BIRC6: variants seen among roughly 807,000 people sequenced by gnomAD.
BIRC6 encodes the protein dual E2 ubiquitin-conjugating enzyme/E3 ubiquitin-protein ligase BIRC6.
A neutral mutation model predicts 503.3 loss-of-function variants in BIRC6; 98 were observed. The ratio of observed to expected loss-of-function variants is 0.19; its 90% CI spans 0.17 to 0.23. The LOEUF (loss-of-function observed/expected upper bound fraction) is 0.23. Ranked by LOEUF, BIRC6 falls within the 10% of genes least tolerant of loss-of-function variation. The probability of loss-of-function intolerance (pLI) is 1.00; values close to 1 mark genes in which losing one functional copy is unlikely to be tolerated. For synonymous variants in BIRC6, 2,240 were observed against 2,078.7 expected (o/e 1.08, Z -2.11); for missense variants, 5,360 against 5,806.0 (o/e 0.92, Z 2.50).
In BIRC6 at chr2:32,516,915, G is replaced by C. The variant is rs1240976910; in HGVS notation, c.11349+1145G>C. On this transcript the variant is annotated intron_variant, in intron 55 of 73. Transcript: ENST00000421745. ...CATAGAGCCTATATGAGATATGGTAGACACTAGTAAATAACTTTTCTCCTT... is the reference window on the plus strand; with the variant it reads ...CATAGAGCCTATATGAGATATGGTACACACTAGTAAATAACTTTTCTCCTT... 5.3e-5 allele frequency among the ~76,000 whole-genome samples: 8 copies of C among 152,228 alleles called. No homozygotes were observed. In the East Asian group the frequency reaches 1.5e-3, roughly 29 times the overall value.
chr2:32,488,051 G>C (rs1158907933), intron 41 of BIRC6, among the ~76,000 whole-genome samples: 2 of 474 alleles, frequency 4.2e-3, no homozygotes, highest in Non-Finnish European at 9.0e-3. Context: ...TGTGATTAGA[G>C]ATTGAATCAC....
rs1212957802 is a variant in BIRC6, at chr2:32,499,849, A to T, written c.8771A>T (p.Lys2924Ile). The change falls in exon 46 of 74, where the codon AAA becomes ATA. Residue 2924 changes from lysine to isoleucine, a missense_variant. Around this residue, in one of 16 missense-constraint regions of BIRC6, gnomAD observed 2,299 missense variants for 2,267.2 expected, o/e 1.01. Coordinates refer to ENST00000421745, the MANE Select transcript of BIRC6 (RefSeq NM_016252.4). ...GATCAACTCATGTTTGATTTGTTAA[A>T]ACTTGTTAACATTTTAGTGCAGCTG... Reference protein sequence around the residue: ...TRDQLMFDLLKLVNILVQLPL... With the variant: ...TRDQLMFDLLILVNILVQLPL... 1.2e-6 allele frequency: 2 copies of T among 1,614,030 alleles called. No homozygotes were observed. The highest frequency in any genetic ancestry group is 1.7e-6 in the Non-Finnish European group (2 of 1,179,892).
chr2:32,461,078 C>CTCTTCTGT (rs1558790156), intron 23 of BIRC6, among the ~76,000 whole-genome samples: 1 of 4,162 alleles, frequency 2.4e-4, no homozygotes, highest in Non-Finnish European at 5.3e-4. Flanking sequence ...TTCTCCTCTC[C>CTCTTCTGT]TCTCCTCTCC....
At chr2:32,529,335 C>T (rs1031726486) in intron 59 of BIRC6, 3 of 220,162 alleles carry the variant, frequency 1.4e-5, no homozygotes, top group Non-Finnish European at 1.8e-5. Flanking sequence ...ATATGGCCCC[C>T]CCAGGTTAAA....
At chr2:32,500,375 A>G (rs539450377) in intron 46 of BIRC6, among the ~76,000 whole-genome samples, 1 of 148,198 alleles carries the variant, frequency 6.7e-6, no homozygotes, top group Non-Finnish European at 1.5e-5. Flanking sequence ...TGCCTCAGCC[A>G]CCCAAGTAGC....
chr2:32,490,881 AT>A (rs2051621942), intron 43 of BIRC6, among the ~76,000 whole-genome samples: 1 of 152,066 alleles, frequency 6.6e-6, no homozygotes, highest in African/African-American at 2.4e-5. Context: ...ATCTTTTTTC[AT>A]TTGGAATGTA....
chr2:32,391,884 C>A (rs570843898), intron 4 of BIRC6, among the ~76,000 whole-genome samples, 155 bp from the exon 5 acceptor site: 21 of 152,312 alleles, frequency 1.4e-4, no homozygotes, highest in African/African-American at 5.1e-4. Flanking sequence ...CCAAAAATTA[C>A]CGTTTTTAGT....
chr2:32,441,131 CTG>C (rs749573441), intron 16 of BIRC6, among the ~76,000 whole-genome samples, 196 bp from the exon 17 acceptor site: 3 of 152,182 alleles, frequency 2.0e-5, no homozygotes, highest in South Asian at 2.1e-4. Flanking sequence ...GTGGCTGTGT[CTG>C]TCTTTTTTTC....
At chr2:32,492,038 TTTC>T (rs2051792385) in intron 44 of BIRC6, among the ~76,000 whole-genome samples, 1 of 152,182 alleles carries the variant, frequency 6.6e-6, no homozygotes, top group Non-Finnish European at 1.5e-5. Context: ...ATCAATTTAA[TTTC>T]TTGTTATGTT....
intron 55 of BIRC6, among the ~76,000 whole-genome samples, chr2:32,517,603 C>A (rs1011057499): frequency 6.6e-6 from 1 of 152,076 alleles, no homozygotes; most frequent in East Asian, 1.9e-4. Flanking sequence ...GGGGCAGGAT[C>A]TCTCTCTGTT....
At chr2:32,595,285 A>G (rs914072911) in intron 68 of BIRC6, 141 bp downstream of exon 68, 2 of 560,424 alleles carry the variant, frequency 3.6e-6, no homozygotes, top group African/African-American at 2.0e-5. Context: ...AACATTTTTT[A>G]TCATCTTTGC....
intron 1 of BIRC6, among the ~76,000 whole-genome samples, chr2:32,365,043 C>T (rs1404296162): frequency 6.6e-6 from 1 of 152,128 alleles, no homozygotes; most frequent in African/African-American, 2.4e-5. Context: ...CTTATGAATG[C>T]ATTTGAGTTT....
At chr2:32,428,209 C>T (rs928301876) in intron 10 of BIRC6, among the ~76,000 whole-genome samples, 8 of 152,256 alleles carry the variant, frequency 5.3e-5, no homozygotes, top group Non-Finnish European at 7.4e-5. Flanking sequence ...ATAATGGCTT[C>T]GGCTCCCTCT....
chr2:32,368,873 A>T (rs975744933), intron 1 of BIRC6, among the ~76,000 whole-genome samples: 2 of 152,140 alleles, frequency 1.3e-5, no homozygotes, highest in African/African-American at 4.8e-5. Context: ...GCTGGTCTGG[A>T]ACACCTGACC....
chr2:32,604,870 T>G (rs1258671405), intron 71 of BIRC6, among the ~76,000 whole-genome samples: 1 of 150,738 alleles, frequency 6.6e-6, no homozygotes, highest in Non-Finnish European at 1.5e-5. Flanking sequence ...TTTTTCTTTT[T>G]TCTTTTTTCT....
chr2:32,568,187 C>CT (rs752609126), intron 65 of BIRC6, among the ~76,000 whole-genome samples: 1,903 of 139,110 alleles, frequency 0.014, 19 homozygotes, highest in Middle Eastern at 0.025. Context: ...TAAGTTTTAT[C>CT]TTTTTTTTTT....
chr2:32,573,661 A>C (rs2151003591), intron 65 of BIRC6, among the ~76,000 whole-genome samples: 1 of 152,346 alleles, frequency 6.6e-6, no homozygotes, highest in South Asian at 2.1e-4. Flanking sequence ...TCGAGTAAGG[A>C]ATTCACTCTT....
At chr2:32,485,367 A>T (rs1390103348) in intron 39 of BIRC6, among the ~76,000 whole-genome samples, 1 of 152,154 alleles carries the variant, frequency 6.6e-6, no homozygotes, top group Non-Finnish European at 1.5e-5. Flanking sequence ...GACAGTGAGA[A>T]ACCTGGTTCT....
At chr2:32,431,342 C>T (rs187909175) in intron 12 of BIRC6, among the ~76,000 whole-genome samples, 14 of 151,460 alleles carry the variant, frequency 9.2e-5, no homozygotes, top group East Asian at 3.9e-4. Flanking sequence ...ACTACAGGTG[C>T]GCATCACCAC....
Sources: allele counts gnomAD v4.1 joint callset (sites outside exome capture counted in the v4.1 genomes callset), GRCh38; gene constraint gnomAD v4.1.1; regional missense constraint gnomAD v4.1.1; transcripts MANE v1.5; gene names NCBI Gene and HGNC (gene_info 2026-07-23, HGNC 2026-07-21).